The following EOMES variants were observed in gnomAD, a reference collection of about 807,000 sequenced individuals.
The protein encoded by EOMES is eomesodermin homolog.
In EOMES, 18 loss-of-function variants were observed where a neutral mutation model predicts 61.0. The ratio of observed to expected loss-of-function variants is 0.30; its 90% CI spans 0.20 to 0.44. The LOEUF (loss-of-function observed/expected upper bound fraction) is 0.44, where lower values mean the gene tolerates loss of function less well. Among genes scored for constraint, EOMES ranks in the 20% least tolerant of loss-of-function variants. EOMES has a pLI of 1.00. For missense variants in EOMES, 885 were observed against 939.2 expected, an observed-to-expected ratio of 0.94 and a Z score of 0.75; for synonymous variants, 430 against 394.0, an observed-to-expected ratio of 1.09 and a Z score of -1.08.
chr3:27,721,909 G>A lies in EOMES; in HGVS notation c.386C>T (p.Ala129Val), dbSNP rs769715709. The A allele has an allele frequency of 2.9e-6, 4 of 1,392,456 alleles. No homozygotes were observed. Among genetic ancestry groups the A allele is most frequent in the Non-Finnish European group, 3.7e-6 (4 of 1,085,090 alleles). 86.3% of individuals were successfully genotyped at this position (1,392,456 alleles called of 1,614,324 possible). ...GTCCATGGAGTAGCGCGCAGTGGCC[G>A]CAGCCGCGGCGGCGGCGGCGGCGGC... ...AAAAAAAAAA[A>V]ATARYSMDSL... Residue 129 changes from alanine (A) to valine (V), a missense_variant, in exon 1 of 6, where the codon GCG becomes GTG. By Grantham distance (64) the Ala-to-Val change is moderately conservative. Coordinates refer to ENST00000449599, the MANE Select transcript of EOMES (RefSeq NM_001278182.2). The surrounding 1 kb of genome is among the most constrained non-coding windows in gnomAD (Gnocchi z 7.4).
rs1416442991 is a variant in EOMES at position 27,721,720 on chromosome 3, G to T, written c.575C>A (p.Pro192His). The change falls in exon 1 of 6, where the codon CCC becomes CAC. Residue 192 changes from proline (P) to histidine (H), a missense_variant. Physicochemically the swap from Pro to His is moderately conservative, Grantham distance 77. This residue lies in a region of EOMES where 449 missense variants were observed against 383.6 expected (regional missense o/e 1.17). Coordinates refer to ENST00000449599, the MANE Select transcript of EOMES (RefSeq NM_001278182.2). The surrounding 1 kb of genome is among the most constrained non-coding windows in gnomAD (Gnocchi z 7.4). ...CACAGCCGCGGGGAAGCCGCCGGGG[G>T]GCAGCATGGAGCCGTAGGGGTAGCG... ...GARYPYGSML[P>H]PGGFPAAVCP... 1 of 1,489,860 alleles carries T rather than the reference G, an allele frequency of 6.7e-7. No individual in the cohort carries two copies. Among genetic ancestry groups the T allele is most frequent in the Non-Finnish European group, 8.8e-7 (1 of 1,130,252 alleles). The allele number at this position is 1,489,860 out of a possible 1,614,324, so 92.3% of individuals were successfully genotyped here.
In EOMES at chr3:27,716,611, T is replaced by A. The variant is rs2060570571; in HGVS notation, c.*459A>T. On this transcript the variant is annotated 3_prime_UTR_variant, in exon 6 of 6. Coordinates refer to ENST00000449599, the MANE Select transcript of EOMES (RefSeq NM_001278182.2). ...AGTATCTTTTGCCCCTGGCAGAATGTAACAGCAAAATGTCTCCTTCTGAAA... is the reference window on the plus strand; with the variant it reads ...AGTATCTTTTGCCCCTGGCAGAATGAAACAGCAAAATGTCTCCTTCTGAAA... The A allele has an allele frequency of 6.4e-6, 1 of 155,636 alleles. No individual in the cohort carries two copies. The highest frequency in any genetic ancestry group is 1.4e-5 in the Non-Finnish European group (1 of 70,254). The allele number at this position is 155,636 out of a possible 1,614,324, so 9.6% of individuals were successfully genotyped here.
rs2060620147 is a variant in EOMES, at chr3:27,722,044, T to C, written c.251A>G (p.Asp84Gly). ...GAPAAMLSDT[D>G]AGDAFASAAA... ...AGCGCTGGCAAATGCGTCCCCGGCG[T>C]CGGTGTCACTAAGCATGGCCGCGGG... The change falls in exon 1 of 6, where the codon GAC becomes GGC. Residue 84 changes from aspartate (D) to glycine (G), a missense_variant. Physicochemically the swap from Asp to Gly is moderately conservative, Grantham distance 94. Around this residue, in one of 3 missense-constraint regions of EOMES, gnomAD observed 449 missense variants for 383.6 expected, o/e 1.17. Coordinates refer to ENST00000449599, the MANE Select transcript of EOMES (RefSeq NM_001278182.2). The C allele has an allele frequency of 6.5e-7, 1 of 1,532,410 alleles. No homozygotes were observed. Among genetic ancestry groups the C allele is most frequent in the Non-Finnish European group, 8.8e-7 (1 of 1,139,904 alleles). 94.9% of individuals were successfully genotyped at this position (1,532,410 alleles called of 1,614,324 possible).
At chr3:27,720,919 C>T (rs1053821307) in intron 1 of EOMES, among the ~76,000 whole-genome samples, 3 of 152,098 alleles carry the variant, frequency 2.0e-5, no homozygotes, top group Admixed American at 6.5e-5. Flanking sequence ...CTACTCCGAC[C>T]GAGCTTCCGA....
Position 27,722,231 on chromosome 3 carries a change from G to T in EOMES, c.64C>A (p.Leu22Met). Reference protein sequence around the residue: ...VNLPGAHFYPLESARGGSGGS... With the variant: ...VNLPGAHFYPMESARGGSGGS... ...CCGCTGCCGCCTCGCGCACTCTCCA[G>T]CGGGTAGAAGTGCGCGCCAGGCAGG... Residue 22 changes from leucine to methionine, a missense_variant, in exon 1 of 6, where the codon CTG becomes ATG. Leu to Met is a conservative substitution (Grantham distance 15, BLOSUM62 2). Coordinates refer to ENST00000449599, the MANE Select transcript of EOMES (RefSeq NM_001278182.2). 1 of 1,605,312 alleles carries T rather than the reference G, an allele frequency of 6.2e-7. No individual in the cohort carries two copies. Among genetic ancestry groups the T allele is most frequent in the East Asian group, 2.3e-5 (1 of 44,024 alleles).
Position 27,717,310 on chromosome 3 carries a change from C to T in EOMES, c.1878G>A (p.Lys626=). 4 of 1,614,152 alleles carry T rather than the reference C, an allele frequency of 2.5e-6. No individual in the cohort carries two copies. The highest frequency in any genetic ancestry group is 3.4e-6 in the Non-Finnish European group (4 of 1,180,018). The change falls in exon 6 of 6, where the codon AAG becomes AAA. Residue 626 remains lysine (K), a synonymous_variant. Transcript: ENST00000449599. This position sits in a 1 kb window ranked among gnomAD's most constrained non-coding sequence, Gnocchi z 4.5. ...PTVFSEDQLS[K]EKVKEEIGSS... ...AGCCAATTTCCTCTTTCACTTTCTC[C>T]TTGGAGAGCTGATCTTCAGAGAACA...
At chr3:27,720,959 C>T (rs1218454668) in intron 1 of EOMES, among the ~76,000 whole-genome samples, 3 of 152,178 alleles carry the variant, frequency 2.0e-5, no homozygotes, top group Non-Finnish European at 2.9e-5. Flanking sequence ...ATGCCCACCT[C>T]CCGGAGACGC....
chr3:27,719,577 T>G (rs2060594991), intron 2 of EOMES, 96 bp from the exon 3 acceptor site: 10 of 1,142,262 alleles, frequency 8.8e-6, no homozygotes, highest in Non-Finnish European at 1.0e-5. Context: ...GAGCAAGATA[T>G]AAGAGCTAGA....
Position 27,721,297 on chromosome 3 carries a change from A to T in EOMES, c.881+117T>A. ...CTACGGAGATTTATTGCGCGCGGTG[A>T]AACACTCTAAGCACCGCGCGGAACA... On this transcript the variant is annotated intron_variant, in intron 1 of 5. Transcript: ENST00000449599. This position sits in a 1 kb window ranked among gnomAD's most constrained non-coding sequence, Gnocchi z 7.4. 1 of 776,376 alleles carries T rather than the reference A, an allele frequency of 1.3e-6. No individual in the cohort carries two copies. Among genetic ancestry groups the T allele is most frequent in the South Asian group, 1.8e-5 (1 of 56,954 alleles). 48.1% of individuals were successfully genotyped at this position (776,376 alleles called of 1,614,324 possible).
At chr3:27,718,239 A>T (rs1171009273) in intron 5 of EOMES, among the ~76,000 whole-genome samples, 1 of 151,956 alleles carries the variant, frequency 6.6e-6, no homozygotes, top group African/African-American at 2.4e-5. Context: ...TAAAAAAAAA[A>T]GTGGGGGTGG....
In EOMES at chr3:27,721,732, C is replaced by A; in HGVS notation, c.563G>T (p.Gly188Val). ...GAAGCCGCCGGGGGGCAGCATGGAG[C>A]CGTAGGGGTAGCGCGCCCCGTTAGG... The part of the protein sequence containing the change: ...PAPNGARYPY[G>V]SMLPPGGFPA... The change falls in exon 1 of 6, where the codon GGC becomes GTC. Residue 188 changes from glycine to valine, a missense_variant. Physicochemically the swap from Gly to Val is moderately radical, Grantham distance 109. This residue lies in a region of EOMES where 449 missense variants were observed against 383.6 expected (regional missense o/e 1.17). Transcript: ENST00000449599. The surrounding 1 kb of genome is among the most constrained non-coding windows in gnomAD (Gnocchi z 7.4). 6.7e-7 allele frequency: 1 copy of A among 1,485,926 alleles called. No homozygotes were observed. The allele number at this position is 1,485,926 out of a possible 1,614,324, so 92.0% of individuals were successfully genotyped here. A position where few individuals can be genotyped will look rare whatever the true frequency, so the allele number is the denominator to read the frequency against.
Position 27,717,821 on chromosome 3 carries a change from G to T in EOMES, c.1380-13C>A. 3 of 1,403,200 alleles carry T rather than the reference G, an allele frequency of 2.1e-6. No homozygotes were observed. The highest frequency in any genetic ancestry group is 1.5e-5 in the South Asian group (1 of 67,456). 86.9% of individuals were successfully genotyped at this position (1,403,200 alleles called of 1,614,324 possible). ...AGCGGTGTACATGCTACAATATAAA[G>T]AGAAACACTTAAAAAAAAAAAAAAA... On this transcript the variant is annotated splice_polypyrimidine_tract_variant and intron_variant, in intron 5 of 5. Coordinates refer to ENST00000449599, the MANE Select transcript of EOMES (RefSeq NM_001278182.2). This position sits in a 1 kb window ranked among gnomAD's most constrained non-coding sequence, Gnocchi z 4.5.
At chr3:27,718,072 G>C (rs2060583438) in intron 5 of EOMES, among the ~76,000 whole-genome samples, 1 of 152,086 alleles carries the variant, frequency 6.6e-6, no homozygotes, top group African/African-American at 2.4e-5. Flanking sequence ...ACCTTTACTA[G>C]TCCTAGAACA....
Position 27,717,337 on chromosome 3 carries a change from A to G in EOMES, c.1851T>C (p.Thr617=), listed in dbSNP as rs527790682. 1.9e-6 allele frequency: 3 copies of G among 1,614,178 alleles called. No homozygotes were observed. The South Asian group carries it at 3.3e-5, about 18-fold the overall frequency. The change falls in exon 6 of 6, where the codon ACT becomes ACC. Residue 617 remains threonine (T), a synonymous_variant. Coordinates refer to ENST00000449599, the MANE Select transcript of EOMES (RefSeq NM_001278182.2). This position sits in a 1 kb window ranked among gnomAD's most constrained non-coding sequence, Gnocchi z 4.5. The part of the protein sequence containing the change: ...GLPWTSRTSP[T]VFSEDQLSKE... ...TGGAGAGCTGATCTTCAGAGAACAC[A>G]GTGGGGCTTGTTCTGGAGGTCCATG... is the stretch of plus-strand genomic sequence containing the variant.
Position 27,721,289 on chromosome 3 carries a change from G to A in EOMES, c.881+125C>T. 1 of 707,676 alleles carries A rather than the reference G, an allele frequency of 1.4e-6. No homozygotes were observed. Among genetic ancestry groups the A allele is most frequent in the Non-Finnish European group, 2.3e-6 (1 of 428,296 alleles). The allele number at this position is 707,676 out of a possible 1,614,324, so 43.8% of individuals were successfully genotyped here. On this transcript the variant is annotated intron_variant, in intron 1 of 5. Coordinates refer to ENST00000449599, the MANE Select transcript of EOMES (RefSeq NM_001278182.2). This position sits in a 1 kb window ranked among gnomAD's most constrained non-coding sequence, Gnocchi z 7.4. Reference sequence around the variant, plus strand: ...TGCGGTGTCTACGGAGATTTATTGCGCGCGGTGAAACACTCTAAGCACCGC... The same window carrying A: ...TGCGGTGTCTACGGAGATTTATTGCACGCGGTGAAACACTCTAAGCACCGC...
At chr3:27,720,015 C>T (rs1409400746) in intron 2 of EOMES, among the ~76,000 whole-genome samples, 156 bp downstream of exon 2, 1 of 152,124 alleles carries the variant, frequency 6.6e-6, no homozygotes, top group East Asian at 1.9e-4. Flanking sequence ...TCCTCTCCGT[C>T]AAACAAGCAA....
In EOMES at chr3:27,717,038, A is replaced by T. The variant is rs2060573400; in HGVS notation, c.*32T>A. 1 of 1,548,786 alleles carries T rather than the reference A, an allele frequency of 6.5e-7. No individual in the cohort carries two copies. The highest frequency in any genetic ancestry group is 8.7e-7 in the Non-Finnish European group (1 of 1,146,786). On this transcript the variant is annotated 3_prime_UTR_variant, in exon 6 of 6. Coordinates refer to ENST00000449599, the MANE Select transcript of EOMES (RefSeq NM_001278182.2). This position sits in a 1 kb window ranked among gnomAD's most constrained non-coding sequence, Gnocchi z 4.5. ...AACACCACCAAGTCCATCTGCAAAAAGTTAGCTAATTTTTGAGGTTAAAAT... is the reference window on the plus strand; with the variant it reads ...AACACCACCAAGTCCATCTGCAAAATGTTAGCTAATTTTTGAGGTTAAAAT...
At chr3:27,719,577 T>C in intron 2 of EOMES, 96 bp from the exon 3 acceptor site, 2 of 1,142,380 alleles carry the variant, frequency 1.8e-6, no homozygotes, top group Admixed American at 2.0e-5. Context: ...GAGCAAGATA[T>C]AAGAGCTAGA....
Position 27,717,328 on chromosome 3 carries a change from A to G in EOMES, c.1860T>C (p.Ser620=). Residue 620 remains serine, a synonymous_variant, in exon 6 of 6, where the codon TCT becomes TCC. Transcript: ENST00000449599. This position sits in a 1 kb window ranked among gnomAD's most constrained non-coding sequence, Gnocchi z 4.5. The part of the protein sequence containing the change: ...WTSRTSPTVF[S]EDQLSKEKVK... The stretch of plus-strand genomic sequence containing the variant: ...CTTTCTCCTTGGAGAGCTGATCTTC[A>G]GAGAACACAGTGGGGCTTGTTCTGG... 1.2e-6 allele frequency: 2 copies of G among 1,614,194 alleles called. No homozygotes were observed. Among genetic ancestry groups the G allele is most frequent in the South Asian group, 2.2e-5 (2 of 91,088 alleles).
Sources: gnomAD v4.1 joint callset for allele counts (sites outside exome capture counted in the v4.1 genomes callset) on GRCh38, gnomAD v4.1.1 for gene constraint, gnomAD v4.1.1 regional missense constraint, Gnocchi (gnomAD v3.1) non-coding constraint, MANE v1.5 for transcripts, NCBI Gene and HGNC (gene_info 2026-07-23, HGNC 2026-07-21) for gene names.